Variants in ADGRA2 observed in about 807,000 individuals in gnomAD.
ADGRA2 encodes the protein adhesion G protein-coupled receptor A2.
Under a neutral mutation model 98.7 loss-of-function variants are expected in ADGRA2, and 61 were observed. That is an observed-to-expected ratio of 0.62 (90% CI 0.50 to 0.76). The LOEUF (loss-of-function observed/expected upper bound fraction) is 0.76. ADGRA2 is among the 30% of genes least tolerant of loss of function. The pLI, the probability that ADGRA2 is intolerant of heterozygous loss-of-function variation, is 0.00. For synonymous variants in ADGRA2, 858 were observed against 831.5 expected, an observed-to-expected ratio of 1.03 and a Z score of -0.55; for missense variants, 1,712 against 1,860.0, an observed-to-expected ratio of 0.92 and a Z score of 1.46.
chr8:37,824,894 G>A (rs536785175), intron 2 of ADGRA2, among the ~76,000 whole-genome samples: 3 of 152,146 alleles, frequency 2.0e-5, no homozygotes, highest in East Asian at 3.9e-4. Flanking sequence ...TTATTCATCC[G>A]TTACTCCCTC....
chr8:37,812,538 A>G (rs529712607), intron 1 of ADGRA2, among the ~76,000 whole-genome samples: 75 of 152,176 alleles, frequency 4.9e-4, no homozygotes, highest in African/African-American at 1.7e-3. Context: ...GAGGCAGGAG[A>G]ATGGCGTGAG....
Position 37,842,013 on chromosome 8 carries a change from C to G in ADGRA2, c.3675C>G (p.Ser1225Arg). The change falls in exon 19 of 19, where the codon AGC becomes AGG. Residue 1225 changes from serine (S) to arginine (R), a missense_variant. Ser to Arg is a moderately radical substitution (Grantham distance 110). Transcript: ENST00000412232. ...GCGAGAGCGGCAGTCTGCACAACAGCCCCACCGACAGCTACCTGGGCAGCA... is the reference window on the plus strand; with the variant it reads ...GCGAGAGCGGCAGTCTGCACAACAGGCCCACCGACAGCTACCTGGGCAGCA... ...LSSESGSLHN[S>R]PTDSYLGSSR... 1 of 1,519,390 alleles carries G rather than the reference C, an allele frequency of 6.6e-7. No individual in the cohort carries two copies. The highest frequency in any genetic ancestry group is 8.8e-7 in the Non-Finnish European group (1 of 1,140,838). 94.1% of individuals were successfully genotyped at this position (1,519,390 alleles called of 1,614,324 possible). A position where few individuals can be genotyped will look rare whatever the true frequency, so the allele number is the denominator to read the frequency against.
At chr8:37,826,631 G>T (rs563709953) in intron 2 of ADGRA2, among the ~76,000 whole-genome samples, 1 of 152,276 alleles carries the variant, frequency 6.6e-6, no homozygotes, top group South Asian at 2.1e-4. Context: ...CCGTGGGAAG[G>T]GCTGTGCACA....
chr8:37,829,812 C>CCTCTG (rs1438634496), intron 5 of ADGRA2, 39 bp from the exon 6 acceptor site: 2 of 1,588,332 alleles, frequency 1.3e-6, no homozygotes, highest in African/African-American at 2.7e-5. Flanking sequence ...GCCCACACTC[C>CCTCTG]CTCTGCTCTG....
rs1367051469 is a variant in ADGRA2, at chr8:37,829,339, G to A, written c.482+7G>A. The A allele has an allele frequency of 3.7e-6, 6 of 1,611,350 alleles. No homozygotes were observed. In the South Asian group the frequency reaches 6.6e-5, roughly 18 times the overall value. ...TCCCCAGGCTTCTCCGACTGTAAGT[G>A]ATGGGGTGAGAAGTGGGGAGGGGAG... On this transcript the variant is annotated splice_region_variant and intron_variant, in intron 4 of 18. Coordinates refer to ENST00000412232, the MANE Select transcript of ADGRA2 (RefSeq NM_032777.10).
chr8:37,835,156 C>A lies in ADGRA2; in HGVS notation c.1609-18C>A. Reference sequence around the variant, plus strand: ...GCCACCATCTCAAATGGTGGGATGACAAGGTCCCTGTCCCCAGAATGCGAG... The same window carrying A: ...GCCACCATCTCAAATGGTGGGATGAAAAGGTCCCTGTCCCCAGAATGCGAG... On this transcript the variant is annotated intron_variant, in intron 11 of 18. Coordinates refer to ENST00000412232, the MANE Select transcript of ADGRA2 (RefSeq NM_032777.10). 6.3e-7 allele frequency: 1 copy of A among 1,593,526 alleles called. No individual in the cohort carries two copies. The highest frequency in any genetic ancestry group is 8.6e-7 in the Non-Finnish European group (1 of 1,162,082).
chr8:37,808,388 G>A (rs16887029), intron 1 of ADGRA2, among the ~76,000 whole-genome samples: 9,131 of 152,238 alleles, frequency 0.06, 392 homozygotes, highest in African/African-American at 0.12. Flanking sequence ...TTGAGGAGGC[G>A]TCTGTCTTGT....
In ADGRA2 at chr8:37,841,575, G is replaced by A; in HGVS notation, c.3237G>A (p.Ser1079=). The A allele has an allele frequency of 1.9e-6, 3 of 1,599,714 alleles. No individual in the cohort carries two copies. The highest frequency in any genetic ancestry group is 2.6e-6 in the Non-Finnish European group (3 of 1,174,458). ...HCARRRDVRA[S]WRACCPPASP... ...CCAGGCGGAGGGACGTGAGAGCCTCGTGGCGCGCCTGCTGCCCCCCTGCCT... is the reference window on the plus strand; with the variant it reads ...CCAGGCGGAGGGACGTGAGAGCCTCATGGCGCGCCTGCTGCCCCCCTGCCT... Residue 1079 remains serine, a synonymous_variant, in exon 19 of 19, where the codon TCG becomes TCA. Transcript: ENST00000412232. The surrounding 1 kb of genome is among the most constrained non-coding windows in gnomAD (Gnocchi z 5.0).
At position 37,833,117 on chromosome 8, in the gene ADGRA2, G is replaced by A. The variant is rs757509633; in HGVS notation, c.1205G>A (p.Arg402Gln). 25 of 1,612,870 alleles carry A rather than the reference G, an allele frequency of 1.6e-5. 1 individual carries two copies. The East Asian group carries it at 2.9e-4, about 19-fold the overall frequency. Residue 402 changes from arginine (R) to glutamine (Q), a missense_variant, in exon 9 of 19, where the codon CGG becomes CAG. Coordinates refer to ENST00000412232, the MANE Select transcript of ADGRA2 (RefSeq NM_032777.10). ...GGAPGTRASR[R>Q]CDRAGRWEPG... is the part of the protein sequence containing the mutation. ...GCCCCGGGCACCCGAGCCTCCCGCCGGTGTGACCGTGCCGGCCGCTGGGAG... is the reference window on the plus strand; with the variant it reads ...GCCCCGGGCACCCGAGCCTCCCGCCAGTGTGACCGTGCCGGCCGCTGGGAG...
chr8:37,828,837 G>A (rs1269232807), intron 2 of ADGRA2, 51 bp from the exon 3 acceptor site: 1 of 1,469,016 alleles, frequency 6.8e-7, no homozygotes, highest in African/African-American at 1.4e-5. Flanking sequence ...CCGGGGAGCA[G>A]GGCGGCTCCA....
Position 37,835,635 on chromosome 8 carries a change from C to G in ADGRA2, c.1915C>G (p.Pro639Ala). ...GGCTGCCCTGGCTCCCCCGGTGCCC[C>G]CAGACTGCACCCTGCAACTGCTCGT... is the stretch of plus-strand genomic sequence containing the variant. Reference protein sequence around the residue: ...LPAALAPPVPPDCTLQLLVFR... With the variant: ...LPAALAPPVPADCTLQLLVFR... Residue 639 changes from proline to alanine, a missense_variant, in exon 13 of 19, where the codon CCA (proline) becomes GCA (alanine). Physicochemically the swap from Pro to Ala is conservative, Grantham distance 27 (BLOSUM62 -1). Transcript: ENST00000412232. 1 of 1,613,338 alleles carries G rather than the reference C, an allele frequency of 6.2e-7. No individual in the cohort carries two copies. Among genetic ancestry groups the G allele is most frequent in the Non-Finnish European group, 8.5e-7 (1 of 1,179,366 alleles).
chr8:37,834,242 C>A lies in ADGRA2; in HGVS notation c.1608+114C>A. On this transcript the variant is annotated intron_variant, in intron 11 of 18. Transcript: ENST00000412232. This position sits in a 1 kb window ranked among gnomAD's most constrained non-coding sequence, Gnocchi z 4.2. ...CAAGAGCAGCAGACGTGACAAAGTT[C>A]TGAGCCATGGGGTTCACTTCCAAGT... 9.8e-7 allele frequency: 1 copy of A among 1,020,020 alleles called. No individual in the cohort carries two copies. The highest frequency in any genetic ancestry group is 1.6e-5 in the South Asian group (1 of 62,176). 63.2% of individuals were successfully genotyped at this position (1,020,020 alleles called of 1,614,324 possible). A position where few individuals can be genotyped will look rare whatever the true frequency, so the allele number is the denominator to read the frequency against.
chr8:37,829,183 C>G, intron 3 of ADGRA2, 78 bp from the exon 4 acceptor site: 1 of 1,102,254 alleles, frequency 9.1e-7, no homozygotes, highest in Non-Finnish European at 1.4e-6. Context: ...AAGCCCTGGC[C>G]CCACCCATGT....
chr8:37,836,094 CA>C lies in ADGRA2; in HGVS notation c.2050+325del, dbSNP rs1466554837. ...ACACACACACACACACACACACACA[CA>C]CACCCCACAGGCCCAATGCAGACAA... On this transcript the variant is annotated intron_variant, in intron 13 of 18. Coordinates refer to ENST00000412232, the MANE Select transcript of ADGRA2 (RefSeq NM_032777.10). Among the ~76,000 whole-genome samples, 1,193 of 133,548 alleles carry C rather than the reference CA, an allele frequency of 8.9e-3. 23 individuals are homozygous for C. The highest frequency in any genetic ancestry group is 0.021 in the African/African-American group (712 of 33,208). The allele number at this position is 133,548 out of a possible 152,430, so 87.6% of individuals were successfully genotyped here.
intron 3 of ADGRA2, 98 bp downstream of exon 3, chr8:37,829,057 C>T: frequency 1.1e-6 from 1 of 879,638 alleles, no homozygotes; most frequent in Non-Finnish European, 1.7e-6. Flanking sequence ...CACCCCCCCA[C>T]ACCTGCCCCT....
chr8:37,829,019 T>A, intron 3 of ADGRA2, 60 bp downstream of exon 3: 1 of 851,820 alleles, frequency 1.2e-6, no homozygotes, highest in Non-Finnish European at 1.5e-6. Flanking sequence ...AAGTCACCCC[T>A]CCTGCTCCAT....
In ADGRA2 at chr8:37,797,258, G is replaced by T; in HGVS notation, c.-11G>T. ...CCCCAGCGCTGTGGGTCCCCGCGGG[G>T]CGATGGGTTGATGGGCGCCGGGGGA... On this transcript the variant is annotated 5_prime_UTR_variant, in exon 1 of 19. Transcript: ENST00000412232. This position sits in a 1 kb window ranked among gnomAD's most constrained non-coding sequence, Gnocchi z 5.3. 2 of 1,254,458 alleles carry T rather than the reference G, an allele frequency of 1.6e-6. No homozygotes were observed. The highest frequency in any genetic ancestry group is 2.0e-6 in the Non-Finnish European group (2 of 1,003,442). 77.7% of individuals were successfully genotyped at this position (1,254,458 alleles called of 1,614,324 possible). A position where few individuals can be genotyped will look rare whatever the true frequency, so the allele number is the denominator to read the frequency against.
intron 1 of ADGRA2, among the ~76,000 whole-genome samples, chr8:37,809,514 G>T (rs1218350218): frequency 1.3e-5 from 2 of 152,126 alleles, no homozygotes; most frequent in Non-Finnish European, 2.9e-5. Flanking sequence ...GGTATCTGAG[G>T]ACTCGAATCA....
rs761168688 is a variant in ADGRA2 at position 37,840,234 on chromosome 8, C to T, written c.2625C>T (p.Asp875=). The T allele has an allele frequency of 1.9e-6, 3 of 1,612,832 alleles. No homozygotes were observed. Among genetic ancestry groups the T allele is most frequent in the Non-Finnish European group, 2.5e-6 (3 of 1,179,916 alleles). ...TWRAPPPQEG[D]PALPTPSPML... ...GGGCACCCCCTCCGCAAGAAGGGGA[C>T]CCCGCTCTGCCTACTCCCAGTCCTA... Residue 875 remains aspartate, a synonymous_variant, in exon 17 of 19, where the codon GAC becomes GAT. Transcript: ENST00000412232.
Sources: gnomAD v4.1 joint callset for allele counts (sites outside exome capture counted in the v4.1 genomes callset) on GRCh38, gnomAD v4.1.1 for gene constraint, Gnocchi (gnomAD v3.1) non-coding constraint, MANE v1.5 for transcripts, NCBI Gene and HGNC (gene_info 2026-07-23, HGNC 2026-07-21) for gene names.